Variants in NTM observed in about 807,000 individuals in gnomAD.
NTM encodes neurotrimin, also known as IgLON family member 2.
NTM carries 13 observed loss-of-function variants against 42.1 expected under a neutral mutation model. That is an observed-to-expected ratio of 0.31 (90% CI 0.20 to 0.49). The LOEUF (loss-of-function observed/expected upper bound fraction) is 0.49. Ranked by LOEUF, NTM falls within the 20% of genes least tolerant of loss-of-function variation. The pLI is 0.99. For synonymous variants in NTM, 187 were observed against 179.2 expected (o/e 1.04, Z -0.35); for missense variants, 373 against 452.8 (o/e 0.82, Z 1.60).
chr11:131,926,426 G>A (rs1331918961), intron 2 of NTM, among the ~76,000 whole-genome samples: 2 of 152,112 alleles, frequency 1.3e-5, no homozygotes, highest in African/African-American at 2.4e-5. Flanking sequence ...GGGCTTGCAC[G>A]ATGGTCAAGG....
At chr11:131,620,566 GC>G (rs1405257026) in intron 1 of NTM, among the ~76,000 whole-genome samples, 1 of 152,118 alleles carries the variant, frequency 6.6e-6, no homozygotes, top group African/African-American at 2.4e-5. Context: ...TGGGCTTCTT[GC>G]TGTCCCTCAA....
chr11:131,992,508 T>C (rs569593491), intron 2 of NTM, among the ~76,000 whole-genome samples: 1 of 152,150 alleles, frequency 6.6e-6, no homozygotes, highest in African/African-American at 2.4e-5. Flanking sequence ...ACTACAACTT[T>C]GCTTCAAAAA....
rs1405989582 is a variant in NTM, at chr11:132,003,777, G to C, written c.167+92129G>C. On this transcript the variant is annotated intron_variant, in intron 2 of 8. Transcript: ENST00000683400. The surrounding 1 kb of genome is among the most constrained non-coding windows in gnomAD (Gnocchi z 6.0). The stretch of plus-strand genomic sequence containing the variant: ...GGAATCTACACAGAGAAATCCCTGA[G>C]CTTTACTTTTTCTGGACCTGCCACT... 6.6e-6 allele frequency among the ~76,000 whole-genome samples: 1 copy of C among 152,140 alleles called. No homozygotes were observed. Among genetic ancestry groups the C allele is most frequent in the Non-Finnish European group, 1.5e-5 (1 of 68,036 alleles).
chr11:131,883,028 A>T (rs1390181267), intron 1 of NTM, among the ~76,000 whole-genome samples: 1 of 152,218 alleles, frequency 6.6e-6, no homozygotes, highest in East Asian at 1.9e-4. Context: ...TCCTGAGTGC[A>T]CATTTCTACT....
chr11:131,630,351 G>A lies in NTM; in HGVS notation c.82+259463G>A, dbSNP rs116603595. On this transcript the variant is annotated intron_variant, in intron 1 of 8. Coordinates refer to ENST00000683400, the MANE Select transcript of NTM (RefSeq NM_001352005.2). ...CTGCCAAGCCGTAACTTAATCTCTT[G>A]TGACTAATCCTAGCTTCAAAGATTT... 4.7e-3 allele frequency among the ~76,000 whole-genome samples: 722 copies of A among 152,202 alleles called. 7 individuals carry two copies. The highest frequency in any genetic ancestry group is 0.016 in the African/African-American group (675 of 41,518).
intron 1 of NTM, among the ~76,000 whole-genome samples, chr11:131,770,122 A>G (rs1010347111): frequency 1.3e-5 from 2 of 152,150 alleles, no homozygotes; most frequent in African/African-American, 4.8e-5. Context: ...CTCCCAAACC[A>G]TCCATGTTAC....
At chr11:132,043,145 T>G (rs2077430134) in intron 2 of NTM, among the ~76,000 whole-genome samples, 1 of 152,196 alleles carries the variant, frequency 6.6e-6, no homozygotes, top group African/African-American at 2.4e-5. Flanking sequence ...TAGAAGACAT[T>G]GCTTTTTGGT....
intron 4 of NTM, among the ~76,000 whole-genome samples, chr11:132,283,608 A>C (rs61386164): frequency 0.02 from 3,088 of 152,268 alleles, 82 homozygotes; most frequent in African/African-American, 0.07. Flanking sequence ...AAATATTTGC[A>C]TCATGGTTAT....
intron 4 of NTM, among the ~76,000 whole-genome samples, chr11:132,300,461 C>A (rs2094801889): frequency 6.6e-6 from 1 of 152,184 alleles, no homozygotes; most frequent in African/African-American, 2.4e-5. Flanking sequence ...TGCAGAAATA[C>A]TAGAGCTCAT....
chr11:132,209,947 G>A (rs918714780), intron 3 of NTM, among the ~76,000 whole-genome samples: 2 of 152,174 alleles, frequency 1.3e-5, no homozygotes, highest in African/African-American at 4.8e-5. Context: ...AGGGGAAGAA[G>A]GCTAAGATAT....
intron 1 of NTM, among the ~76,000 whole-genome samples, chr11:131,553,007 A>G (rs2054917166): frequency 6.6e-6 from 1 of 152,212 alleles, no homozygotes; most frequent in African/African-American, 2.4e-5. Flanking sequence ...AAAAGAACAC[A>G]TATTGCTTGA....
At chr11:131,781,181 G>A (rs2088040797) in intron 1 of NTM, among the ~76,000 whole-genome samples, 1 of 151,882 alleles carries the variant, frequency 6.6e-6, no homozygotes, top group South Asian at 2.1e-4. Flanking sequence ...TGCAAGAAAG[G>A]AGTATAAGAC....
intron 1 of NTM, chr11:131,605,707 T>C: frequency 1.3e-6 from 1 of 796,866 alleles, no homozygotes; most frequent in Non-Finnish European, 1.5e-6. Flanking sequence ...GGTGAGGACG[T>C]TTCTTTCTAT....
At chr11:132,317,963 G>T (rs1040298097) in intron 7 of NTM, among the ~76,000 whole-genome samples, 1 of 152,224 alleles carries the variant, frequency 6.6e-6, no homozygotes, top group African/African-American at 2.4e-5. Context: ...TCAGCACAAA[G>T]GCAAAGGGTA....
At chr11:132,013,091 G>A (rs1384477398) in intron 2 of NTM, among the ~76,000 whole-genome samples, 1 of 151,908 alleles carries the variant, frequency 6.6e-6, no homozygotes, top group Non-Finnish European at 1.5e-5. Flanking sequence ...ACCAATTTTC[G>A]AATCACTGAC....
chr11:131,488,359 T>C (rs1565555342), intron 1 of NTM, among the ~76,000 whole-genome samples: 1 of 152,164 alleles, frequency 6.6e-6, no homozygotes, highest in African/African-American at 2.4e-5. Flanking sequence ...GGCTTTTCAG[T>C]TCTCTGGCAC....
chr11:131,853,951 A>G (rs2045852875), intron 1 of NTM, among the ~76,000 whole-genome samples: 1 of 152,162 alleles, frequency 6.6e-6, no homozygotes, highest in African/African-American at 2.4e-5. Flanking sequence ...GAATAACGAC[A>G]TATTTATTTT....
intron 1 of NTM, among the ~76,000 whole-genome samples, chr11:131,645,428 A>T (rs773317782): frequency 1.3e-5 from 2 of 152,158 alleles, no homozygotes; most frequent in Non-Finnish European, 2.9e-5. Context: ...TGGGGAAAGG[A>T]GTGAAAGGGC....
At chr11:131,722,378 G>A (rs1279436583) in intron 1 of NTM, among the ~76,000 whole-genome samples, 3 of 152,146 alleles carry the variant, frequency 2.0e-5, no homozygotes, top group Non-Finnish European at 4.4e-5. Context: ...GTTGCCTGAC[G>A]GCCAAAAGGC....
Sources: allele counts gnomAD v4.1 joint callset (sites outside exome capture counted in the v4.1 genomes callset), GRCh38; gene constraint gnomAD v4.1.1; non-coding constraint Gnocchi (gnomAD v3.1); transcripts MANE v1.5; gene names NCBI Gene and HGNC (gene_info 2026-07-23, HGNC 2026-07-21).